The following ZNF185 variants were observed in gnomAD, a reference collection of about 807,000 sequenced individuals.
ZNF185 encodes the protein zinc finger protein 185 with LIM domain.
A neutral mutation model predicts 58.6 loss-of-function variants in ZNF185; 56 were observed. The ratio of observed to expected loss-of-function variants is 0.95; its 90% CI spans 0.77 to 1.19. ZNF185 has a LOEUF of 1.19. Among genes scored for constraint, ZNF185 ranks in the 50% most tolerant of loss-of-function variants. The pLI is 0.00. For missense variants in ZNF185, 627 were observed against 573.5 expected (o/e 1.09, Z -0.95); for synonymous variants, 230 against 215.9 (o/e 1.07, Z -0.57).
chrX:152,932,492 C>T (rs1556878248), intron 13 of ZNF185, among the ~76,000 whole-genome samples: 1 of 111,888 alleles, frequency 8.9e-6, no homozygotes, highest in African/African-American at 3.3e-5. Flanking sequence ...AACCCACACA[C>T]CCGTCTTCTC....
intron 16 of ZNF185, among the ~76,000 whole-genome samples, chrX:152,946,124 G>C (rs2047764482): frequency 8.9e-6 from 1 of 112,714 alleles, no homozygotes; most frequent in Non-Finnish European, 1.9e-5. Context: ...TGTCCTTGCA[G>C]CTCTGGACAC....
At chrX:152,931,864 A>G (rs1304018744) in intron 13 of ZNF185, 88 bp downstream of exon 14, 9 of 798,960 alleles carry the variant, frequency 1.1e-5, no homozygotes, top group Non-Finnish European at 1.6e-5. Flanking sequence ...CCTCCGGTGC[A>G]ATGTCAATGG....
the ZNF185 span, among the ~76,000 whole-genome samples, chrX:152,908,334 G>A: frequency 8.9e-6 from 1 of 112,887 alleles, no homozygotes; most frequent in Non-Finnish European, 1.9e-5. Context: ...GCTAAGGAAG[G>A]AACATTTGCT....
At chrX:152,929,075 G>C (rs782444759) in intron 12 of ZNF185, among the ~76,000 whole-genome samples, 1 of 112,026 alleles carries the variant, frequency 8.9e-6, no homozygotes, top group Admixed American at 9.4e-5. Flanking sequence ...GGATGTTGGT[G>C]GGGGTGGGAG....
chrX:152,923,449 C>G (rs1940186534), intron 11 of ZNF185, among the ~76,000 whole-genome samples: 1 of 112,377 alleles, frequency 8.9e-6, no homozygotes, highest in Non-Finnish European at 1.9e-5. Flanking sequence ...TTCACTCTCT[C>G]CCTCTCTTGA....
intron 12 of ZNF185, among the ~76,000 whole-genome samples, chrX:152,930,752 G>A: frequency 9.0e-6 from 1 of 111,529 alleles, no homozygotes; most frequent in Non-Finnish European, 1.9e-5. Context: ...TAGGCAGGTG[G>A]TGTTGACAGG....
the ZNF185 span, among the ~76,000 whole-genome samples, chrX:152,905,069 G>A: frequency 8.8e-6 from 1 of 113,107 alleles, no homozygotes; most frequent in African/African-American, 3.2e-5. Flanking sequence ...TTGCTCCAGA[G>A]TTGGAAGAGC....
intron 20 of ZNF185, 131 bp downstream of exon 22, chrX:152,967,369 G>GAC (rs2050220632): frequency 3.3e-6 from 2 of 614,994 alleles, no homozygotes. Context: ...AAAGGTGAAG[G>GAC]ACACTACCGT....
At chrX:152,899,277 A>C in the ZNF185 span, among the ~76,000 whole-genome samples, 1 of 112,418 alleles carries the variant, frequency 8.9e-6, no homozygotes, top group Non-Finnish European at 1.9e-5. Context: ...GGCGGGAGGC[A>C]GGGGTGCACA....
At chrX:152,946,935 G>C (rs1341028248) in intron 16 of ZNF185, among the ~76,000 whole-genome samples, 5 of 111,663 alleles carry the variant, frequency 4.5e-5, no homozygotes, top group African/African-American at 1.6e-4. Context: ...GAGTGCCACA[G>C]CCAGACTCGA....
At chrX:152,915,273 C>T in intron 3 of ZNF185, 70 bp downstream of exon 4, 1 of 1,097,526 alleles carries the variant, frequency 9.1e-7, no homozygotes, top group Non-Finnish European at 1.2e-6. Context: ...GGCCAGCCCT[C>T]AACAGGGAGG....
upstream of ZNF185, among the ~76,000 whole-genome samples, chrX:152,912,252 G>A (rs1309597089): frequency 4.4e-5 from 5 of 112,434 alleles, no homozygotes; most frequent in Non-Finnish European, 9.4e-5. Flanking sequence ...CAATAAACCC[G>A]GAGTCTTCTG....
chrX:152,964,029 C>A, intron 18 of ZNF185, 80 bp downstream of exon 20: 1 of 968,691 alleles, frequency 1.0e-6, no homozygotes, highest in Non-Finnish European at 1.5e-6. Context: ...GCTTTTGTTC[C>A]ATGTTGCTTC....
chrX:152,930,821 A>G (rs782136217), intron 12 of ZNF185, among the ~76,000 whole-genome samples: 118 of 111,271 alleles, frequency 1.1e-3, no homozygotes, highest in African/African-American at 3.7e-3. Context: ...GCAGTACTGA[A>G]TGGTGGTTTG....
At chrX:152,939,786 T>TG (rs35068254) in intron 15 of ZNF185, among the ~76,000 whole-genome samples, 6,662 of 96,082 alleles carry the variant, frequency 0.069, 240 homozygotes, top group Middle Eastern at 0.13. Flanking sequence ...GTTTTTTTTT[T>TG]TTTTTTTTTT....
rs1371942495 is a variant in ZNF185, at chrX:152,940,033, T to C, written c.1211+1870T>C. 8.1e-5 allele frequency among the ~76,000 whole-genome samples: 9 copies of C among 111,509 alleles called. No individual in the cohort carries two copies. In the Admixed American group the frequency reaches 8.6e-4, roughly 11 times the overall value. On this transcript the variant is annotated intron_variant, in intron 15 of 22. Coordinates refer to ENST00000449285, the Ensembl canonical transcript of ZNF185. ...CCTGACATCAAGCCATCCACCCATC[T>C]TGGCCTCCCAAATTGCTGGGATTAC... is the stretch of plus-strand genomic sequence containing the variant.
At chrX:152,922,365 G>A (rs782693784) in intron 10 of ZNF185, 109 bp downstream of exon 11, 1 of 728,132 alleles carries the variant, frequency 1.4e-6, no homozygotes, top group African/African-American at 2.1e-5. Context: ...CGAGATCAGT[G>A]TCCCCATGTG....
At chrX:152,941,863 G>A (rs987865680) in intron 15 of ZNF185, 47 of 1,117,958 alleles carry the variant, frequency 4.2e-5, no homozygotes, top group Non-Finnish European at 5.2e-5. Flanking sequence ...GAGTGGCTTT[G>A]GGGTGACCGC....
At chrX:152,961,492 C>G (rs1026805616) in intron 17 of ZNF185, among the ~76,000 whole-genome samples, 3 of 111,567 alleles carry the variant, frequency 2.7e-5, no homozygotes, top group Non-Finnish European at 5.6e-5. Flanking sequence ...GTGCACGTGT[C>G]TTTTGAGAGC....
Sources: allele counts gnomAD v4.1 joint callset (sites outside exome capture counted in the v4.1 genomes callset), GRCh38; gene constraint gnomAD v4.1.1; transcripts MANE v1.5; gene names NCBI Gene and HGNC (gene_info 2026-07-23, HGNC 2026-07-21).